SGK1: variants seen among roughly 807,000 people sequenced by gnomAD.
The protein encoded by SGK1 is serine/threonine-protein kinase Sgk1.
SGK1 carries 26 observed loss-of-function variants against 64.2 expected under a neutral mutation model. The observed-to-expected ratio is 0.40, with a 90% CI of 0.30 to 0.56. SGK1 has a LOEUF of 0.56. Among genes scored for constraint, SGK1 ranks in the 20% least tolerant of loss-of-function variants. SGK1 has a pLI of 0.38. For missense variants in SGK1, 519 were observed against 645.6 expected (o/e 0.80, Z 2.12); for synonymous variants, 265 against 239.7 (o/e 1.11, Z -0.98).
intron 1 of SGK1, among the ~76,000 whole-genome samples, chr6:134,279,013 T>C (rs894019199): frequency 6.6e-6 from 1 of 152,096 alleles, no homozygotes; most frequent in African/African-American, 2.4e-5. Flanking sequence ...CAAAATAATT[T>C]AAAAAGTGTA....
intron 2 of SGK1, among the ~76,000 whole-genome samples, chr6:134,212,533 G>A (rs546955793): frequency 2.0e-5 from 3 of 152,140 alleles, no homozygotes; most frequent in African/African-American, 7.2e-5. Flanking sequence ...TTTTTACTGA[G>A]GTCACTCTGC....
At chr6:134,195,758 C>G (rs2114670850) in intron 3 of SGK1, among the ~76,000 whole-genome samples, 1 of 152,290 alleles carries the variant, frequency 6.6e-6, no homozygotes, top group East Asian at 1.9e-4. Flanking sequence ...GATTTTAAGT[C>G]TAGCCATATG....
chr6:134,298,382 T>C, intron 1 of SGK1: 3 of 1,363,150 alleles, frequency 2.2e-6, no homozygotes, highest in Non-Finnish European at 2.1e-6. Context: ...ACCTTGCCTA[T>C]GAAGGAGGCA....
intron 1 of SGK1, among the ~76,000 whole-genome samples, chr6:134,266,870 G>GT (rs1255240504): frequency 2.0e-5 from 3 of 152,126 alleles, no homozygotes; most frequent in African/African-American, 7.2e-5. Flanking sequence ...GATGGATAAT[G>GT]TTTTTTATTA....
chr6:134,209,802 T>C (rs1210972118), intron 2 of SGK1, among the ~76,000 whole-genome samples: 1 of 152,084 alleles, frequency 6.6e-6, no homozygotes, highest in East Asian at 1.9e-4. Context: ...TCAGCCTCAA[T>C]AGTAGCTGGG....
At chr6:134,197,374 G>C (rs1335802) in intron 3 of SGK1, among the ~76,000 whole-genome samples, 88,153 of 151,794 alleles carry the variant, frequency 0.58, 26,306 homozygotes, top group African/African-American at 0.61. Context: ...TCTCATTTCT[G>C]TCTACCCAAA....
At chr6:134,279,453 A>AATAAATAAATAAATAC in intron 1 of SGK1, among the ~76,000 whole-genome samples, 1 of 151,916 alleles carries the variant, frequency 6.6e-6, no homozygotes, top group Non-Finnish European at 1.5e-5. Flanking sequence ...TAAATAAATA[A>AATAAATAAATAAATAC]ATAAATAAAA....
chr6:134,292,087 T>A (rs961756705), intron 1 of SGK1, among the ~76,000 whole-genome samples: 5 of 152,126 alleles, frequency 3.3e-5, no homozygotes, highest in South Asian at 2.1e-4. Context: ...CACTAGATTT[T>A]TTGAAATTTT....
At chr6:134,223,367 T>C (rs1776121401) in intron 2 of SGK1, among the ~76,000 whole-genome samples, 1 of 82,000 alleles carries the variant, frequency 1.2e-5, no homozygotes, top group African/African-American at 3.0e-5. Flanking sequence ...AAACTCCGTC[T>C]CAAAAAAAAA....
At chr6:134,210,595 G>T (rs1320163490) in intron 2 of SGK1, among the ~76,000 whole-genome samples, 1 of 152,064 alleles carries the variant, frequency 6.6e-6, no homozygotes, top group Admixed American at 6.6e-5. Flanking sequence ...GGAGGCCGAG[G>T]CGGGTGGATC....
chr6:134,297,930 G>A (rs1158074280), intron 1 of SGK1: 20 of 804,466 alleles, frequency 2.5e-5, no homozygotes, highest in Non-Finnish European at 4.2e-5. Context: ...CTCGTACTGC[G>A]CCTTGACCTC....
In SGK1 at chr6:134,172,226, G is replaced by C. The variant is rs143344432; in HGVS notation, c.1038C>G (p.Asn346Lys). The C allele has an allele frequency of 6.2e-7, 1 of 1,614,106 alleles. No individual in the cohort carries two copies. The highest frequency in any genetic ancestry group is 1.3e-5 in the African/African-American group (1 of 74,944). The part of the protein sequence containing the change: ...FGLCKENIEH[N>K]STTSTFCGTP... The stretch of plus-strand genomic sequence containing the variant: ...TGCCACAGAAGGTGGATGTTGTGCT[G>C]TTGTGTTCAATGTTCTCCTTGCAGA... The change falls in exon 10 of 14, where the codon AAC (asparagine) becomes AAG (lysine). Residue 346 changes from asparagine (N) to lysine (K), a missense_variant. Physicochemically the swap from Asn to Lys is moderately conservative, Grantham distance 94 (BLOSUM62 0). This residue lies in a region of SGK1 where 278 missense variants were observed against 408.7 expected (regional missense o/e 0.68). Transcript: ENST00000367858.
At chr6:134,281,748 C>G (rs574665658) in intron 1 of SGK1, among the ~76,000 whole-genome samples, 1 of 152,162 alleles carries the variant, frequency 6.6e-6, no homozygotes, top group South Asian at 2.1e-4. Flanking sequence ...AATTCGTGGT[C>G]TTAAATGATC....
rs1777704979 is a variant in SGK1 at position 134,317,530 on chromosome 6, C to G, written c.-70G>C. The G allele has an allele frequency of 6.7e-6, 6 of 897,248 alleles. No homozygotes were observed. The highest frequency in any genetic ancestry group is 1.1e-5 in the Non-Finnish European group (6 of 525,656). 55.6% of individuals were successfully genotyped at this position (897,248 alleles called of 1,614,324 possible). A position where few individuals can be genotyped will look rare whatever the true frequency, so the allele number is the denominator to read the frequency against. On this transcript the variant is annotated 5_prime_UTR_variant, in exon 1 of 14. Transcript: ENST00000367858. ...CGCCTGGTTAGTGCATATCTGTTTC[C>G]CCGGTTTACCTCCTGCAGACAGTTA...
At chr6:134,303,945 C>G (rs1173890763) in intron 1 of SGK1, among the ~76,000 whole-genome samples, 3 of 152,160 alleles carry the variant, frequency 2.0e-5, no homozygotes, top group African/African-American at 2.4e-5. Context: ...TAAAATGCAG[C>G]AGAAGTCACA....
rs577185553 is a variant in SGK1, at chr6:134,206,988, GGCC to G, written c.361+365_361+367del. Reference sequence around the variant, plus strand: ...CGCCTGTAATCCCAGCACTTTGGGAGGCCGAGGCGGGCGAATCACAAGGTCAGG... The same window carrying G: ...CGCCTGTAATCCCAGCACTTTGGGAGGAGGCGGGCGAATCACAAGGTCAGG... On this transcript the variant is annotated intron_variant, in intron 3 of 13. Coordinates refer to ENST00000367858, the MANE Select transcript of SGK1 (RefSeq NM_001143676.3). 1.9e-3 allele frequency among the ~76,000 whole-genome samples: 282 copies of G among 152,252 alleles called. 2 individuals carry two copies. The highest frequency in any genetic ancestry group is 6.6e-3 in the African/African-American group (275 of 41,526).
intron 1 of SGK1, among the ~76,000 whole-genome samples, chr6:134,272,464 G>A (rs185585613): frequency 6.8e-6 from 1 of 146,702 alleles, no homozygotes; most frequent in Non-Finnish European, 1.5e-5. Context: ...TCATTCCAGT[G>A]TTGTTGTTGT....
rs1378436491 is a variant in SGK1, at chr6:134,174,948, T to TTCGCC, written c.362-367_362-363dup. On this transcript the variant is annotated intron_variant, in intron 3 of 13. Coordinates refer to ENST00000367858, the MANE Select transcript of SGK1 (RefSeq NM_001143676.3). Reference sequence around the variant, plus strand: ...GCGACAGTGAGAAGTGGCCCCGCCCTTCGCCTCGCCCCTCGCCCCGCCCCG... The same window carrying TTCGCC: ...GCGACAGTGAGAAGTGGCCCCGCCCTTCGCCTCGCCTCGCCCCTCGCCCCGCCCCG... 2.8e-6 allele frequency: 4 copies of TTCGCC among 1,441,194 alleles called. No homozygotes were observed. In the African/African-American group the frequency reaches 4.3e-5, roughly 16 times the overall value. 89.3% of individuals were successfully genotyped at this position (1,441,194 alleles called of 1,614,324 possible).
chr6:134,310,341 C>T (rs989270749), intron 1 of SGK1, among the ~76,000 whole-genome samples: 7 of 152,144 alleles, frequency 4.6e-5, no homozygotes, highest in African/African-American at 1.2e-4. Context: ...ATCTATCTAA[C>T]GAAAATGGCT....
Sources: allele counts gnomAD v4.1 joint callset (sites outside exome capture counted in the v4.1 genomes callset), GRCh38; gene constraint gnomAD v4.1.1; regional missense constraint gnomAD v4.1.1; transcripts MANE v1.5; gene names NCBI Gene and HGNC (gene_info 2026-07-23, HGNC 2026-07-21).